DNAH9: variants seen among roughly 807,000 people sequenced by gnomAD.
DNAH9 encodes the protein dynein axonemal heavy chain 9.
Under a neutral mutation model 471.6 loss-of-function variants are expected in DNAH9, and 345 were observed. That is an observed-to-expected ratio of 0.73 (90% CI 0.67 to 0.80). DNAH9 has a LOEUF of 0.80. DNAH9 is among the 30% of genes least tolerant of loss of function. The pLI, the probability that DNAH9 is intolerant of heterozygous loss-of-function variation, is 0.00. For synonymous variants in DNAH9, 2,093 were observed against 2,123.6 expected (o/e 0.99, Z 0.40); for missense variants, 5,407 against 5,609.2 (o/e 0.96, Z 1.15).
intron 49 of DNAH9, among the ~76,000 whole-genome samples, chr17:11,838,750 G>A (rs1248084334): frequency 6.6e-6 from 1 of 152,070 alleles, no homozygotes; most frequent in Non-Finnish European, 1.5e-5. Flanking sequence ...ATGCATTACT[G>A]GGTTGCAACA....
chr17:11,850,619 C>A (rs573492703), intron 49 of DNAH9, among the ~76,000 whole-genome samples: 1 of 150,616 alleles, frequency 6.6e-6, no homozygotes, highest in African/African-American at 2.4e-5. Context: ...CCACTGCACT[C>A]CAGCCTGGGC....
intron 66 of DNAH9, among the ~76,000 whole-genome samples, chr17:11,941,439 T>G (rs950504083): frequency 1.3e-5 from 2 of 152,182 alleles, no homozygotes; most frequent in East Asian, 3.8e-4. Context: ...ACTCATTTAT[T>G]CCAAAATGGC....
intron 67 of DNAH9, among the ~76,000 whole-genome samples, chr17:11,955,026 A>G (rs543230103): frequency 6.6e-5 from 10 of 152,334 alleles, no homozygotes; most frequent in Admixed American, 6.5e-4. Context: ...ATGAAAAATG[A>G]GAGAAATAGA....
At chr17:11,915,388 G>A (rs920252608) in intron 61 of DNAH9, among the ~76,000 whole-genome samples, 1 of 152,078 alleles carries the variant, frequency 6.6e-6, no homozygotes, top group Non-Finnish European at 1.5e-5. Context: ...GCCAGGCATG[G>A]TGGCACGCAC....
intron 1 of DNAH9, among the ~76,000 whole-genome samples, chr17:11,604,883 G>A (rs1244037888): frequency 6.6e-6 from 1 of 152,056 alleles, no homozygotes; most frequent in Non-Finnish European, 1.5e-5. Context: ...GCCCCTTAGA[G>A]CCTATAATCA....
intron 48 of DNAH9, among the ~76,000 whole-genome samples, chr17:11,830,035 C>G (rs752654798): frequency 1.3e-5 from 2 of 152,228 alleles, no homozygotes; most frequent in African/African-American, 2.4e-5. Flanking sequence ...CTTCTCCTCT[C>G]TGTGGTGGAC....
chr17:11,737,231 G>A (rs1191608549), intron 28 of DNAH9, among the ~76,000 whole-genome samples: 1 of 152,218 alleles, frequency 6.6e-6, no homozygotes, highest in East Asian at 1.9e-4. Context: ...ACTCTGGGAA[G>A]GGAGCTGAAT....
intron 44 of DNAH9, among the ~76,000 whole-genome samples, chr17:11,808,731 C>T (rs1479966909): frequency 1.3e-5 from 2 of 152,208 alleles, no homozygotes; most frequent in African/African-American, 4.8e-5. Flanking sequence ...TGGGTCTCAA[C>T]TTTTACTCTA....
chr17:11,793,073 G>T (rs771123510), intron 41 of DNAH9, among the ~76,000 whole-genome samples: 3 of 152,178 alleles, frequency 2.0e-5, no homozygotes, highest in Non-Finnish European at 4.4e-5. Flanking sequence ...GAGCACAAAA[G>T]AATAATTCCA....
intron 55 of DNAH9, among the ~76,000 whole-genome samples, chr17:11,882,670 C>T (rs1443719935): frequency 6.6e-6 from 1 of 152,132 alleles, no homozygotes; most frequent in Non-Finnish European, 1.5e-5. Context: ...CAGAAAACAG[C>T]AACGTAAACA....
intron 1 of DNAH9, among the ~76,000 whole-genome samples, chr17:11,607,855 C>T (rs781006629): frequency 1.8e-4 from 27 of 152,264 alleles, no homozygotes; most frequent in Non-Finnish European, 1.9e-4. Flanking sequence ...CAGGCATGAA[C>T]CACCGCACTT....
In DNAH9 at chr17:11,821,963, C is replaced by T. The variant is rs769799490; in HGVS notation, c.8751C>T (p.Ile2917=). The stretch of plus-strand genomic sequence containing the variant: ...ACTCTGATGATGAAGTTGAAAACAT[C>T]ATAAGCAATGTGAGGAATGAAGTCA... ...DLYSDDEVEN[I]ISNVRNEVKS... is the part of the protein sequence containing the mutation. Residue 2917 remains isoleucine, a synonymous_variant, in exon 46 of 69, where the codon ATC becomes ATT. Transcript: ENST00000262442. The T allele has an allele frequency of 3.7e-6, 6 of 1,614,114 alleles. No individual in the cohort carries two copies. Among genetic ancestry groups the T allele is most frequent in the Non-Finnish European group, 4.2e-6 (5 of 1,180,000 alleles).
intron 28 of DNAH9, among the ~76,000 whole-genome samples, chr17:11,735,044 G>A (rs1421902190): frequency 6.6e-6 from 1 of 152,156 alleles, no homozygotes; most frequent in East Asian, 1.9e-4. Context: ...TATCTTGGAG[G>A]TAGAGCTAAG....
At position 11,701,281 on chromosome 17, in the gene DNAH9, T is replaced by A. The variant is rs7214186; in HGVS notation, c.5151+34T>A. ...CTAATGGGATCCCCATCCTCCATGG[T>A]TGGGGCTGTCTTCCTCCGCAGCCTC... On this transcript the variant is annotated intron_variant, in intron 24 of 68. Transcript: ENST00000262442. The A allele has an allele frequency of 0.98, 1,573,130 of 1,610,528 alleles. 769,175 individuals carry two copies. Among genetic ancestry groups the A allele is most frequent in the Non-Finnish European group, 0.99 (1,164,808 of 1,178,736 alleles).
rs769675139 is a variant in DNAH9 at position 11,705,135 on chromosome 17, T to C, written c.5502T>C (p.Tyr1834=). 1.8e-5 allele frequency: 29 copies of C among 1,614,036 alleles called. No homozygotes were observed. Among genetic ancestry groups the C allele is most frequent in the Admixed American group, 1.7e-4 (10 of 60,010 alleles). Residue 1834 remains tyrosine (Y), a synonymous_variant, in exon 26 of 69, where the codon TAT becomes TAC. Coordinates refer to ENST00000262442, the MANE Select transcript of DNAH9 (RefSeq NM_001372.4). The part of the protein sequence containing the change: ...NICDAQFLYS[Y]EYLGNTPRLV... ...GTGATGCCCAGTTTTTGTATTCCTA[T>C]GAGTACCTGGGAAACACACCTCGCT...
At chr17:11,847,831 T>C (rs923905224) in intron 49 of DNAH9, among the ~76,000 whole-genome samples, 49 of 152,270 alleles carry the variant, frequency 3.2e-4, no homozygotes, top group Non-Finnish European at 5.6e-4. Flanking sequence ...CTCTAGGTTT[T>C]TGTGACCTTT....
intron 61 of DNAH9, among the ~76,000 whole-genome samples, chr17:11,913,924 TC>T (rs1199422198): frequency 6.6e-6 from 1 of 152,238 alleles, no homozygotes; most frequent in East Asian, 1.9e-4. Context: ...TTTTGCATAG[TC>T]AAGAATGAAT....
intron 41 of DNAH9, among the ~76,000 whole-genome samples, chr17:11,792,956 T>A (rs1969115222): frequency 6.6e-6 from 1 of 152,232 alleles, no homozygotes; most frequent in African/African-American, 2.4e-5. Flanking sequence ...GAGTATTAAA[T>A]GAGCTTCATC....
At chr17:11,700,999 T>C (rs1415563189) in intron 23 of DNAH9, 123 bp from the exon 24 acceptor site, 4 of 1,018,912 alleles carry the variant, frequency 3.9e-6, no homozygotes, top group South Asian at 1.5e-5. Context: ...TGGCAGCCAC[T>C]TGGGGCTGTA....
Sources: gnomAD v4.1 joint callset for allele counts (sites outside exome capture counted in the v4.1 genomes callset) on GRCh38, gnomAD v4.1.1 for gene constraint, MANE v1.5 for transcripts, NCBI Gene and HGNC (gene_info 2026-07-23, HGNC 2026-07-21) for gene names.